The following SCAMP4 variants were observed in gnomAD, a reference collection of about 807,000 sequenced individuals.
SCAMP4 encodes secretory carrier-associated membrane protein 4.
Under a neutral mutation model 32.1 loss-of-function variants are expected in SCAMP4, and 19 were observed. The observed-to-expected ratio is 0.59, with a 90% CI of 0.41 to 0.87. SCAMP4 has a LOEUF of 0.87. Ranked by LOEUF, SCAMP4 falls within the 40% of genes least tolerant of loss-of-function variation. SCAMP4 has a pLI of 0.00. For synonymous variants in SCAMP4, 152 were observed against 132.7 expected (o/e 1.15, Z -1.00); for missense variants, 302 against 309.0 (o/e 0.98, Z 0.17).
rs75226495 is a variant in SCAMP4, at chr19:1,915,060, G to A, written c.7+34G>A. The A allele has an allele frequency of 8.7e-3, 14,034 of 1,613,250 alleles. 79 individuals are homozygous for A. Among genetic ancestry groups the A allele is most frequent in the Non-Finnish European group, 0.01 (11,985 of 1,179,430 alleles). ...TGCCTGCCTGGGAGCCTCCAGCAGC[G>A]TGGGCGGGAGGGAGATGCCAGCAGT... On this transcript the variant is annotated intron_variant, in intron 2 of 6. Coordinates refer to ENST00000316097, the MANE Select transcript of SCAMP4 (RefSeq NM_079834.4).
chr19:1,913,864 C>G (rs2013631892), intron 1 of SCAMP4, among the ~76,000 whole-genome samples: 1 of 152,224 alleles, frequency 6.6e-6, no homozygotes, highest in Non-Finnish European at 1.5e-5. Flanking sequence ...CATGTGGGTG[C>G]AGCTTTGCCT....
At chr19:1,917,944 G>C in intron 3 of SCAMP4, 122 bp downstream of exon 3, 1 of 1,415,222 alleles carries the variant, frequency 7.1e-7, no homozygotes, top group Non-Finnish European at 9.7e-7. Flanking sequence ...TCCTGGGCCT[G>C]GTGGTCCCTG....
At chr19:1,918,641 A>G (rs910515928) in intron 4 of SCAMP4, 1 of 577,402 alleles carries the variant, frequency 1.7e-6, no homozygotes, top group Non-Finnish European at 2.9e-6. Flanking sequence ...GGGCGCCTAT[A>G]ATCCCAGCTA....
At position 1,915,346 on chromosome 19, in the gene SCAMP4, T is replaced by C. The variant is rs2013696959; in HGVS notation, c.7+320T>C. On this transcript the variant is annotated intron_variant, in intron 2 of 6. Transcript: ENST00000316097. The stretch of plus-strand genomic sequence containing the variant: ...ATGTGCCCCGGGGTCCCTCACCCAC[T>C]CATTTACTGGCAGCCTTCCCCAGTG... 4 of 452,848 alleles carry C rather than the reference T, an allele frequency of 8.8e-6. No individual in the cohort carries two copies. In the South Asian group the frequency reaches 9.9e-5, roughly 11 times the overall value. 28.1% of individuals were successfully genotyped at this position (452,848 alleles called of 1,614,324 possible). A position where few individuals can be genotyped will look rare whatever the true frequency, so the allele number is the denominator to read the frequency against.
intron 1 of SCAMP4, among the ~76,000 whole-genome samples, chr19:1,910,212 T>G (rs2013367453): frequency 6.6e-6 from 1 of 152,208 alleles, no homozygotes; most frequent in Admixed American, 6.6e-5. Context: ...GCCAGGGCTG[T>G]GTTGTCATCT....
chr19:1,919,276 C>T (rs2013842043), intron 5 of SCAMP4: 1 of 1,287,758 alleles, frequency 7.8e-7, no homozygotes, highest in South Asian at 1.7e-5. Flanking sequence ...GGCTTGTCTC[C>T]TGAGTGTTGA....
At chr19:1,915,719 G>A (rs1344955055) in intron 2 of SCAMP4, among the ~76,000 whole-genome samples, 1 of 152,178 alleles carries the variant, frequency 6.6e-6, no homozygotes, top group Non-Finnish European at 1.5e-5. Flanking sequence ...GGCCGAGGCG[G>A]GTGGATCACG....
intron 1 of SCAMP4, chr19:1,913,269 G>T: frequency 1.4e-6 from 2 of 1,380,406 alleles, no homozygotes; most frequent in South Asian, 1.5e-5. Flanking sequence ...GACACATACC[G>T]CCTCCAGCGG....
At chr19:1,915,899 C>T (rs1380170383) in intron 2 of SCAMP4, among the ~76,000 whole-genome samples, 4 of 144,144 alleles carry the variant, frequency 2.8e-5, no homozygotes, top group East Asian at 2.0e-4. Flanking sequence ...TGAGCGAGAT[C>T]GGGCCACTGC....
chr19:1,913,873 C>T (rs947363323), intron 1 of SCAMP4, among the ~76,000 whole-genome samples: 20 of 152,232 alleles, frequency 1.3e-4, no homozygotes, highest in Non-Finnish European at 2.5e-4. Flanking sequence ...GCAGCTTTGC[C>T]TCCAGACACG....
intron 1 of SCAMP4, chr19:1,905,777 T>A (rs1232975054): frequency 1.3e-5 from 2 of 152,336 alleles, no homozygotes; most frequent in African/African-American, 4.8e-5. Context: ...CTTCCTCAGG[T>A]CATGTCCCGC....
In SCAMP4 at chr19:1,917,811, G is replaced by A. The variant is rs772989300; in HGVS notation, c.125G>A (p.Arg42Gln). 63 of 1,613,858 alleles carry A rather than the reference G, an allele frequency of 3.9e-5. No homozygotes were observed. The highest frequency in any genetic ancestry group is 4.3e-5 in the Non-Finnish European group (51 of 1,179,906). Residue 42 changes from arginine (R) to glutamine (Q), a missense_variant, in exon 3 of 7, where the codon CGG becomes CAG. Coordinates refer to ENST00000316097, the MANE Select transcript of SCAMP4 (RefSeq NM_079834.4). ...EHQVLVKRIY[R>Q]LWMFYCATLG... ...CAGGTCCTGGTGAAGAGGATCTACCGGCTGTGGATGTGTGAGTGCGCCTGG... is the reference window on the plus strand; with the variant it reads ...CAGGTCCTGGTGAAGAGGATCTACCAGCTGTGGATGTGTGAGTGCGCCTGG...
intron 4 of SCAMP4, 142 bp from the exon 5 acceptor site, chr19:1,918,747 G>GT: frequency 7.8e-7 from 1 of 1,274,138 alleles, no homozygotes; most frequent in East Asian, 2.6e-5. Context: ...GGGCGACAGA[G>GT]TGAGACTCCA....
intron 1 of SCAMP4, chr19:1,906,099 C>G (rs1325501566): frequency 6.6e-6 from 1 of 152,254 alleles, no homozygotes; most frequent in East Asian, 1.9e-4. Context: ...AGTTCCTCAC[C>G]CTATAACCCC....
At chr19:1,909,219 C>T (rs1229157621) in intron 1 of SCAMP4, among the ~76,000 whole-genome samples, 1 of 151,892 alleles carries the variant, frequency 6.6e-6, no homozygotes, top group African/African-American at 2.4e-5. Flanking sequence ...CCAGCTGAGA[C>T]TGTGGTTTGG....
chr19:1,909,274 C>T (rs553924088), intron 1 of SCAMP4, among the ~76,000 whole-genome samples: 3 of 152,158 alleles, frequency 2.0e-5, no homozygotes, highest in East Asian at 1.9e-4. Context: ...GAGCCAGAGG[C>T]GCTGTCCCCC....
rs1054529738 is a variant in SCAMP4 at position 1,908,353 on chromosome 19, G to C, written c.-42+2914G>C. On this transcript the variant is annotated intron_variant, in intron 1 of 6. Coordinates refer to ENST00000316097, the MANE Select transcript of SCAMP4 (RefSeq NM_079834.4). The surrounding 1 kb of genome is among the most constrained non-coding windows in gnomAD (Gnocchi z 4.2). ...GCGTGACCTCCAAGGCCACTGGCCTGGAGTTCCACTGGCTGCTGGTCCCCC... is the reference window on the plus strand; with the variant it reads ...GCGTGACCTCCAAGGCCACTGGCCTCGAGTTCCACTGGCTGCTGGTCCCCC... 1.3e-5 allele frequency: 5 copies of C among 384,416 alleles called. No individual in the cohort carries two copies. The highest frequency in any genetic ancestry group is 1.1e-4 in the African/African-American group (5 of 47,544). 23.8% of individuals were successfully genotyped at this position (384,416 alleles called of 1,614,324 possible). A position where few individuals can be genotyped will look rare whatever the true frequency, so the allele number is the denominator to read the frequency against.
At chr19:1,919,134 G>GCAGCGCCCGCGTCCTCGC (rs1001351709) in intron 5 of SCAMP4, 144 bp downstream of exon 5, 20 of 1,467,484 alleles carry the variant, frequency 1.4e-5, no homozygotes, top group Admixed American at 1.3e-4. Context: ...GCTCACCCTG[G>GCAGCGCCCGCGTCCTCGC]CAGCGCCCGC....
At chr19:1,922,593 T>C (rs1313603428) in intron 5 of SCAMP4, 1 of 985,336 alleles carries the variant, frequency 1.0e-6, no homozygotes, top group Non-Finnish European at 1.2e-6. Flanking sequence ...AGATTTTCCA[T>C]CCGCATTGCT....
Sources: gnomAD v4.1 joint callset for allele counts (sites outside exome capture counted in the v4.1 genomes callset) on GRCh38, gnomAD v4.1.1 for gene constraint, Gnocchi (gnomAD v3.1) non-coding constraint, MANE v1.5 for transcripts, NCBI Gene and HGNC (gene_info 2026-07-23, HGNC 2026-07-21) for gene names.